Variants in LATS1 observed in about 807,000 individuals in gnomAD.
LATS1 encodes the protein serine/threonine-protein kinase LATS1.
Under a neutral mutation model 106.6 loss-of-function variants are expected in LATS1, and 25 were observed. The observed-to-expected ratio is 0.23, with a 90% CI of 0.17 to 0.33. The LOEUF is 0.33. LATS1 is among the 10% of genes least tolerant of loss of function. The probability of loss-of-function intolerance (pLI) is 1.00; values close to 1 mark genes in which losing one functional copy is unlikely to be tolerated. For missense variants in LATS1, 1,040 were observed against 1,382.6 expected (o/e 0.75, Z 3.93); for synonymous variants, 465 against 455.6 (o/e 1.02, Z -0.26).
rs1442583630 is a variant in LATS1, at chr6:149,659,333, T to G, written c.*2396A>C. ...AGATACAAAAATTAGCTGGGCTTGGTGGCGCATGCCCAGCTACTTGGGAGG... is the reference window on the plus strand; with the variant it reads ...AGATACAAAAATTAGCTGGGCTTGGGGGCGCATGCCCAGCTACTTGGGAGG... On this transcript the variant is annotated 3_prime_UTR_variant, in exon 8 of 8. Coordinates refer to ENST00000543571, the MANE Select transcript of LATS1 (RefSeq NM_004690.4). The G allele has an allele frequency of 5.2e-6, 1 of 193,322 alleles. No individual in the cohort carries two copies. Among genetic ancestry groups the G allele is most frequent in the Non-Finnish European group, 1.1e-5 (1 of 92,664 alleles). 12.0% of individuals were successfully genotyped at this position (193,322 alleles called of 1,614,324 possible). A position where few individuals can be genotyped will look rare whatever the true frequency, so the allele number is the denominator to read the frequency against.
intron 2 of LATS1, among the ~76,000 whole-genome samples, chr6:149,699,614 G>A (rs371196579): frequency 7.9e-5 from 12 of 152,124 alleles, no homozygotes; most frequent in Admixed American, 3.3e-4. Context: ...TATCATTTGT[G>A]TAGTAGCACT....
At position 149,661,375 on chromosome 6, in the gene LATS1, T is replaced by C; in HGVS notation, c.*354A>G. The C allele has an allele frequency of 4.1e-6, 1 of 243,300 alleles. No individual in the cohort carries two copies. Among genetic ancestry groups the C allele is most frequent in the Non-Finnish European group, 8.0e-6 (1 of 125,694 alleles). The allele number at this position is 243,300 out of a possible 1,614,324, so 15.1% of individuals were successfully genotyped here. Reference sequence around the variant, plus strand: ...AAACTAAAACTGTCTTTCAAAAAAATTTCAAAAACTCTTGTATTTTAAAAT... The same window carrying C: ...AAACTAAAACTGTCTTTCAAAAAAACTTCAAAAACTCTTGTATTTTAAAAT... On this transcript the variant is annotated 3_prime_UTR_variant, in exon 8 of 8. Transcript: ENST00000543571.
intron 1 of LATS1, among the ~76,000 whole-genome samples, chr6:149,706,861 G>A (rs1783799888): frequency 6.6e-6 from 1 of 152,034 alleles, no homozygotes; most frequent in Non-Finnish European, 1.5e-5. Flanking sequence ...ACTGTGAGAG[G>A]ATAAATTTAT....
intron 4 of LATS1, among the ~76,000 whole-genome samples, chr6:149,682,217 T>C (rs1782076990): frequency 6.6e-6 from 1 of 152,136 alleles, no homozygotes; most frequent in South Asian, 2.1e-4. Context: ...CCTTTTAGTA[T>C]AGTTTCACTA....
rs145524942 is a variant in LATS1, at chr6:149,694,963, A to G, written c.496+111T>C. 322 of 908,072 alleles carry G rather than the reference A, an allele frequency of 3.5e-4. 1 individual carries two copies. The African/African-American group carries it at 5.0e-3, about 14-fold the overall frequency. 56.3% of individuals were successfully genotyped at this position (908,072 alleles called of 1,614,324 possible). A position where few individuals can be genotyped will look rare whatever the true frequency, so the allele number is the denominator to read the frequency against. On this transcript the variant is annotated intron_variant, in intron 3 of 7. Transcript: ENST00000543571. ...AATGTTATCTTAATTTGAGACTTTCATTTACTGGGATGCTTTTACAATTTC... is the reference window on the plus strand; with the variant it reads ...AATGTTATCTTAATTTGAGACTTTCGTTTACTGGGATGCTTTTACAATTTC...
intron 1 of LATS1, among the ~76,000 whole-genome samples, chr6:149,711,975 A>T (rs1165249798): frequency 6.6e-6 from 1 of 151,432 alleles, no homozygotes; most frequent in African/African-American, 2.4e-5. Context: ...TGAGTGACAG[A>T]GAGAGAGAGA....
chr6:149,684,410 G>T lies in LATS1; in HGVS notation c.679C>A (p.His227Asn). The T allele has an allele frequency of 6.2e-7, 1 of 1,614,046 alleles. No individual in the cohort carries two copies. The highest frequency in any genetic ancestry group is 8.5e-7 in the Non-Finnish European group (1 of 1,180,000). ...TTCACTCTCTGTCCGTTGCTAGGGTGAGCTTGAACAAATGCTGATATACCA... is the reference window on the plus strand; with the variant it reads ...TTCACTCTCTGTCCGTTGCTAGGGTTAGCTTGAACAAATGCTGATATACCA... ...GSGISAFVQA[H>N]PSNGQRVNPP... is the part of the protein sequence containing the mutation. The change falls in exon 4 of 8, where the codon CAC (histidine) becomes AAC (asparagine). Residue 227 changes from histidine (H) to asparagine (N), a missense_variant. Coordinates refer to ENST00000543571, the MANE Select transcript of LATS1 (RefSeq NM_004690.4).
chr6:149,676,351 C>G lies in LATS1; in HGVS notation c.2792G>C (p.Cys931Ser), dbSNP rs1346900165. 6.2e-7 allele frequency: 1 copy of G among 1,611,032 alleles called. No individual in the cohort carries two copies. The highest frequency in any genetic ancestry group is 2.2e-5 in the East Asian group (1 of 44,850). ...AATAACACCAACACTCCACCAATCA[C>G]ACAACTGTGTGTATCCTAAAATAAC... ...VLLRTGYTQLCDWWSVGVILF... is the reference protein window; with the variant it reads ...VLLRTGYTQLSDWWSVGVILF... The change falls in exon 7 of 8, where the codon TGT (cysteine) becomes TCT (serine). Residue 931 changes from cysteine to serine, a missense_variant. Transcript: ENST00000543571.
chr6:149,700,266 G>C (rs567965641), intron 2 of LATS1, among the ~76,000 whole-genome samples: 1 of 152,120 alleles, frequency 6.6e-6, no homozygotes, highest in South Asian at 2.1e-4. Context: ...ACGAGGTCAG[G>C]AGTTCGAGAC....
rs372370239 is a variant in LATS1, at chr6:149,718,081, T to TCGCCGC, written c.-379_-374dup. 1.3e-5 allele frequency: 4 copies of TCGCCGC among 302,430 alleles called. No homozygotes were observed. Among genetic ancestry groups the TCGCCGC allele is most frequent in the African/African-American group, 9.5e-5 (4 of 42,230 alleles). 18.7% of individuals were successfully genotyped at this position (302,430 alleles called of 1,614,324 possible). ...CCGCCATTTTGCCTTCCACTCAGTG[T>TCGCCGC]CGCCGCCGCCGCACTCCGCTGCAGG... On this transcript the variant is annotated 5_prime_UTR_variant, in exon 1 of 8. Coordinates refer to ENST00000543571, the MANE Select transcript of LATS1 (RefSeq NM_004690.4).
At chr6:149,697,730 TTTTTC>T (rs1313220687) in intron 2 of LATS1, among the ~76,000 whole-genome samples, 12 of 152,180 alleles carry the variant, frequency 7.9e-5, no homozygotes, top group African/African-American at 2.4e-4. Context: ...GTGGGAATCA[TTTTTC>T]TTTTCTTTTT....
In LATS1 at chr6:149,691,519, C is replaced by T. The variant is rs993982822; in HGVS notation, c.496+3555G>A. Among the ~76,000 whole-genome samples, 3 of 152,144 alleles carry T rather than the reference C, an allele frequency of 2.0e-5. 1 individual carries two copies. Among genetic ancestry groups the T allele is most frequent in the Non-Finnish European group, 4.4e-5 (3 of 68,012 alleles). Reference sequence around the variant, plus strand: ...ATCTTGGTCAGTATCTCTTTCTTAGCAGTATTTGGCATTTTGACCATTCCC... The same window carrying T: ...ATCTTGGTCAGTATCTCTTTCTTAGTAGTATTTGGCATTTTGACCATTCCC... On this transcript the variant is annotated intron_variant, in intron 3 of 7. Transcript: ENST00000543571.
chr6:149,703,427 T>G (rs2114968674), intron 1 of LATS1, among the ~76,000 whole-genome samples: 1 of 152,320 alleles, frequency 6.6e-6, no homozygotes, highest in South Asian at 2.1e-4. Context: ...TAGTCCCCAC[T>G]CTTGAAGGTG....
intron 4 of LATS1, among the ~76,000 whole-genome samples, chr6:149,681,508 TA>T (rs1285050034): frequency 6.6e-6 from 1 of 152,034 alleles, no homozygotes; most frequent in East Asian, 1.9e-4. Flanking sequence ...TCCAACACCA[TA>T]AAAGTTTAAA....
chr6:149,679,394 A>G (rs1388514394), intron 5 of LATS1, among the ~76,000 whole-genome samples: 1 of 151,968 alleles, frequency 6.6e-6, no homozygotes, highest in African/African-American at 2.4e-5. Flanking sequence ...TCTATTAAAA[A>G]TACAAAAATT....
chr6:149,665,084 T>C (rs574895196), intron 7 of LATS1, among the ~76,000 whole-genome samples: 6 of 152,214 alleles, frequency 3.9e-5, no homozygotes, highest in East Asian at 3.9e-4. Context: ...TGGGGCTGGG[T>C]GCAGTGGCTC....
chr6:149,695,015 G>T, intron 3 of LATS1, 59 bp downstream of exon 3: 1 of 1,358,978 alleles, frequency 7.4e-7, no homozygotes, highest in South Asian at 1.6e-5. Context: ...ATAGACTTCA[G>T]TATTTTTAAA....
intron 3 of LATS1, among the ~76,000 whole-genome samples, chr6:149,685,146 G>A (rs1470656818): frequency 6.6e-6 from 1 of 152,004 alleles, no homozygotes; most frequent in African/African-American, 2.4e-5. Context: ...GCTGAGGCAG[G>A]AGAATTGCAT....
intron 2 of LATS1, chr6:149,697,303 G>A (rs1017065982): frequency 1.2e-5 from 6 of 485,056 alleles, no homozygotes; most frequent in Non-Finnish European, 2.2e-5. Flanking sequence ...GATTTTGTTG[G>A]AAGCAGCAAG....
Sources: allele counts gnomAD v4.1 joint callset (sites outside exome capture counted in the v4.1 genomes callset), GRCh38; gene constraint gnomAD v4.1.1; transcripts MANE v1.5; gene names NCBI Gene and HGNC (gene_info 2026-07-23, HGNC 2026-07-21).